Variants in SERPINB3 observed in about 807,000 individuals in gnomAD.
SERPINB3 encodes the protein serpin family B member 3, also known as serpin B3.
A neutral mutation model predicts 33.0 loss-of-function variants in SERPINB3; 33 were observed. The observed-to-expected ratio is 1.00, with a 90% CI of 0.76 to 1.34. SERPINB3 has a LOEUF of 1.34. Among genes scored for constraint, SERPINB3 ranks in the 40% most tolerant of loss-of-function variants. SERPINB3 has a pLI of 0.00. For missense variants in SERPINB3, 518 were observed against 461.5 expected, an observed-to-expected ratio of 1.12 and a Z score of -1.12; for synonymous variants, 200 against 170.9, an observed-to-expected ratio of 1.17 and a Z score of -1.33.
Position 63,655,593 on chromosome 18 carries a change from C to A in SERPINB3, c.*64G>T. 2 of 1,491,210 alleles carry A rather than the reference C, an allele frequency of 1.3e-6. No individual in the cohort carries two copies. The highest frequency in any genetic ancestry group is 9.0e-7 in the Non-Finnish European group (1 of 1,107,068). 92.4% of individuals were successfully genotyped at this position (1,491,210 alleles called of 1,614,324 possible). On this transcript the variant is annotated 3_prime_UTR_variant, in exon 8 of 8. Transcript: ENST00000283752. ...AGCCAAGAGAATCTGTTGTTGCCAGCAATCAGTTTACCAGAACATCTGCAG... is the reference window on the plus strand; with the variant it reads ...AGCCAAGAGAATCTGTTGTTGCCAGAAATCAGTTTACCAGAACATCTGCAG...
intron 1 of SERPINB3, 87 bp from the exon 2 acceptor site, chr18:63,661,329 C>T (rs1475456171): frequency 7.1e-7 from 1 of 1,407,042 alleles, no homozygotes; most frequent in Non-Finnish European, 9.7e-7. Flanking sequence ...AATTATATAT[C>T]TGTGTTGTGA....
At position 63,661,174 on chromosome 18, in the gene SERPINB3, G is replaced by A. The variant is rs375182717; in HGVS notation, c.43C>T (p.Leu15=). The stretch of plus-strand genomic sequence containing the variant: ...TTTGATTTTCTGAACTGTTGGAACA[G>A]GTCGAACATGAACTTGGTGTTGGCT... ...SEANTKFMFD[L]FQQFRKSKEN... The change falls in exon 2 of 8, where the codon CTG becomes TTG. Residue 15 remains leucine, a synonymous_variant. Transcript: ENST00000283752. The A allele has an allele frequency of 1.2e-6, 2 of 1,613,514 alleles. No homozygotes were observed. Among genetic ancestry groups the A allele is most frequent in the Non-Finnish European group, 1.7e-6 (2 of 1,179,628 alleles).
chr18:63,661,323 A>G (rs1913640068), intron 1 of SERPINB3, 81 bp from the exon 2 acceptor site: 5 of 1,435,132 alleles, frequency 3.5e-6, no homozygotes, highest in Admixed American at 4.2e-5. Flanking sequence ...TAAAGAAATT[A>G]TATATCTGTG....
intron 4 of SERPINB3, 106 bp downstream of exon 4, chr18:63,659,293 C>G: frequency 1.6e-6 from 2 of 1,266,294 alleles, no homozygotes; most frequent in Non-Finnish European, 2.3e-6. Flanking sequence ...TAAATGCTCT[C>G]CACCTGGATC....
At position 63,659,365 on chromosome 18, in the gene SERPINB3, G is replaced by A. The variant is rs771165739; in HGVS notation, c.351+34C>T. 12 of 1,591,992 alleles carry A rather than the reference G, an allele frequency of 7.5e-6. No homozygotes were observed. In the Admixed American group the frequency reaches 1.4e-4, roughly 18 times the overall value. On this transcript the variant is annotated intron_variant, in intron 4 of 7. Transcript: ENST00000283752. ...CACTCAGAGACACAGACATCAGGAT[G>A]CAAATGAAATGTGGGTAGGCCAGGT... is the stretch of plus-strand genomic sequence containing the variant.
Position 63,660,803 on chromosome 18 carries a change from A to G in SERPINB3, c.219T>C (p.Tyr73=), listed in dbSNP as rs1913622108. ...TENTTGKAAT[Y]HVDRSGNVHH... ...ACCATAGTGCTCTGTGACTCACATG[A>G]TATGTTGCAGCTTTTCCTGTGGTGT... Residue 73 remains tyrosine (Y), a synonymous_variant, in exon 3 of 8, where the codon TAT becomes TAC. Coordinates refer to ENST00000283752, the MANE Select transcript of SERPINB3 (RefSeq NM_006919.3). The G allele has an allele frequency of 6.2e-7, 1 of 1,613,336 alleles. No homozygotes were observed. Among genetic ancestry groups the G allele is most frequent in the South Asian group, 1.1e-5 (1 of 91,070 alleles).
intron 4 of SERPINB3, 135 bp from the exon 5 acceptor site, chr18:63,658,765 T>G (rs1163982667): frequency 1.5e-6 from 1 of 686,050 alleles, no homozygotes; most frequent in East Asian, 2.8e-5. Context: ...TCCATGCATA[T>G]TTTTATACTG....
At position 63,658,317 on chromosome 18, in the gene SERPINB3, T is replaced by C. The variant is rs1321498080; in HGVS notation, c.469+196A>G. Among the ~76,000 whole-genome samples, 8 of 152,128 alleles carry C rather than the reference T, an allele frequency of 5.3e-5. No homozygotes were observed. In the East Asian group the frequency reaches 1.5e-3, roughly 29 times the overall value. ...CCGGCTATGTTTTCTTCTAATTGGCTTCCTGTGATTTCCTCCTTGGCTCCC... is the reference window on the plus strand; with the variant it reads ...CCGGCTATGTTTTCTTCTAATTGGCCTCCTGTGATTTCCTCCTTGGCTCCC... On this transcript the variant is annotated intron_variant, in intron 5 of 7. Transcript: ENST00000283752.
Position 63,658,550 on chromosome 18 carries a change from T to G in SERPINB3, c.432A>C (p.Arg144=). The G allele has an allele frequency of 1.9e-6, 3 of 1,613,156 alleles. No homozygotes were observed. Among genetic ancestry groups the G allele is most frequent in the Non-Finnish European group, 1.7e-6 (2 of 1,179,444 alleles). ...VDFANAPEES[R]KKINSWVESQ... ...TTTCCACCCAGGAGTTAATCTTCTT[T>G]CGACTTTCTTCTGGAGCATTTGCAA... The change falls in exon 5 of 8, where the codon CGA becomes CGC. Residue 144 remains arginine (R), a synonymous_variant. Transcript: ENST00000283752.
chr18:63,657,769 TA>T (rs1913536565), intron 5 of SERPINB3, among the ~76,000 whole-genome samples: 1 of 143,956 alleles, frequency 6.9e-6, no homozygotes, highest in Admixed American at 7.1e-5. Flanking sequence ...CTCCTCTTCC[TA>T]CTTTTTTTTT....
intron 3 of SERPINB3, among the ~76,000 whole-genome samples, chr18:63,659,765 T>C (rs539868720): frequency 5.3e-5 from 8 of 152,326 alleles, no homozygotes; most frequent in South Asian, 2.1e-4. Flanking sequence ...TTCTGAACTA[T>C]AGATGCAGCA....
chr18:63,660,652 A>G, intron 3 of SERPINB3, 148 bp downstream of exon 3: 3 of 913,024 alleles, frequency 3.3e-6, no homozygotes. Context: ...ATTATGTGCC[A>G]TGAAATGCCA....
intron 3 of SERPINB3, among the ~76,000 whole-genome samples, chr18:63,660,201 C>A (rs1024534760): frequency 2.6e-5 from 4 of 152,154 alleles, no homozygotes; most frequent in Admixed American, 2.6e-4. Flanking sequence ...CTAGAAACTT[C>A]TACTTTCCAG....
At chr18:63,661,348 C>T in intron 1 of SERPINB3, 106 bp from the exon 2 acceptor site, 2 of 1,270,404 alleles carry the variant, frequency 1.6e-6, no homozygotes, top group Non-Finnish European at 2.2e-6. Flanking sequence ...GAGATTTTGA[C>T]ATTTAAAGTT....
Position 63,661,070 on chromosome 18 carries a change from A to G in SERPINB3, c.147T>C (p.Thr49=). The change falls in exon 2 of 8, where the codon ACT becomes ACC. Residue 49 remains threonine (T), a synonymous_variant. Transcript: ENST00000283752. Reference sequence around the variant, plus strand: ...TAGCTACCTTCTTAATCTGTTGTGCAGTGTTGTCTTTGGCTCCTAAGAGGA... The same window carrying G: ...TAGCTACCTTCTTAATCTGTTGTGCGGTGTTGTCTTTGGCTCCTAAGAGGA... The part of the protein sequence containing the change: ...GMVLLGAKDN[T]AQQIKKVLHF... 1.9e-6 allele frequency: 3 copies of G among 1,613,594 alleles called. No homozygotes were observed. Among genetic ancestry groups the G allele is most frequent in the Non-Finnish European group, 2.5e-6 (3 of 1,179,650 alleles).
chr18:63,659,408 T>A lies in SERPINB3; in HGVS notation c.342A>T (p.Leu114=). Reference sequence around the variant, plus strand: ...GGCCAGGTGAAATTACCTGTAAAAATAGATACGTTTTTTCTCCGAAGAGCT... The same window carrying A: ...GGCCAGGTGAAATTACCTGTAAAAAAAGATACGTTTTTTCTCCGAAGAGCT... The part of the protein sequence containing the change: ...ANKLFGEKTY[L]FLQEYLDAIK... Residue 114 remains leucine (L), a synonymous_variant, in exon 4 of 8, where the codon CTA becomes CTT. Coordinates refer to ENST00000283752, the MANE Select transcript of SERPINB3 (RefSeq NM_006919.3). 6.2e-7 allele frequency: 1 copy of A among 1,613,394 alleles called. No homozygotes were observed. Among genetic ancestry groups the A allele is most frequent in the South Asian group, 1.1e-5 (1 of 91,064 alleles).
chr18:63,655,666 T>A lies in SERPINB3; in HGVS notation c.1164A>T (p.Ser388=), dbSNP rs1027306367. 2 of 1,606,272 alleles carry A rather than the reference T, an allele frequency of 1.2e-6. No homozygotes were observed. Among genetic ancestry groups the A allele is most frequent in the African/African-American group, 2.7e-5 (2 of 74,678 alleles). Residue 388 remains serine, a synonymous_variant, in exon 8 of 8, where the codon TCA becomes TCT. Transcript: ENST00000283752. ...TNSILFYGRF[S]SP is the part of the protein sequence containing the mutation. The stretch of plus-strand genomic sequence containing the variant: ...GACAGACTAATTGCATCTACGGGGA[T>A]GAGAATCTGCCATAGAAGAGGATGC...
Position 63,658,574 on chromosome 18 carries a change from A to G in SERPINB3, c.408T>C (p.Phe136=). Residue 136 remains phenylalanine, a synonymous_variant, in exon 5 of 8, where the codon TTT becomes TTC. Coordinates refer to ENST00000283752, the MANE Select transcript of SERPINB3 (RefSeq NM_006919.3). ...TTCGACTTTCTTCTGGAGCATTTGC[A>G]AAATCAACAGATTCCACACTGGTCT... ...FYQTSVESVD[F]ANAPEESRKK... is the part of the protein sequence containing the mutation. 6.2e-7 allele frequency: 1 copy of G among 1,613,308 alleles called. No individual in the cohort carries two copies.
At chr18:63,656,380 C>T (rs760162171) in intron 7 of SERPINB3, among the ~76,000 whole-genome samples, 1 of 152,090 alleles carries the variant, frequency 6.6e-6, no homozygotes, top group South Asian at 2.1e-4. Context: ...ATATATATCA[C>T]TATTTCTTGT....
Sources: allele counts gnomAD v4.1 joint callset (sites outside exome capture counted in the v4.1 genomes callset), GRCh38; gene constraint gnomAD v4.1.1; transcripts MANE v1.5; gene names NCBI Gene and HGNC (gene_info 2026-07-23, HGNC 2026-07-21).